The following VIPR2 variants were observed in gnomAD, a reference collection of about 807,000 sequenced individuals.
VIPR2 encodes vasoactive intestinal peptide receptor 2.
VIPR2 carries 48 observed loss-of-function variants against 58.0 expected under a neutral mutation model. The observed-to-expected ratio is 0.83, with a 90% CI of 0.66 to 1.05. The LOEUF (loss-of-function observed/expected upper bound fraction) is 1.05. Among genes scored for constraint, VIPR2 ranks in the 50% least tolerant of loss-of-function variants. The pLI, the probability that VIPR2 is intolerant of heterozygous loss-of-function variation, is 0.00. For missense variants in VIPR2, 534 were observed against 558.0 expected (o/e 0.96, Z 0.43); for synonymous variants, 243 against 235.2 (o/e 1.03, Z -0.30).
chr7:159,067,803 C>T (rs907055373), intron 4 of VIPR2, among the ~76,000 whole-genome samples: 6 of 152,184 alleles, frequency 3.9e-5, no homozygotes, highest in African/African-American at 1.2e-4. Flanking sequence ...AAGATCCTGT[C>T]GAGGCCAAGG....
chr7:159,101,748 G>A (rs1258029264), intron 4 of VIPR2, among the ~76,000 whole-genome samples: 4 of 144,734 alleles, frequency 2.8e-5, no homozygotes, highest in Non-Finnish European at 4.5e-5. Context: ...CACGAGATCC[G>A]ACGAGGCGGT....
intron 2 of VIPR2, among the ~76,000 whole-genome samples, chr7:159,115,554 C>T (rs1056878370): frequency 6.6e-6 from 1 of 152,248 alleles, no homozygotes; most frequent in East Asian, 1.9e-4. Flanking sequence ...ATGGTCAGGG[C>T]TTGGCAGGCA....
intron 2 of VIPR2, among the ~76,000 whole-genome samples, chr7:159,112,911 G>A (rs1053192544): frequency 3.3e-5 from 5 of 151,894 alleles, no homozygotes; most frequent in African/African-American, 1.2e-4. Flanking sequence ...GTGAGGAGGA[G>A]GCTCATGGCG....
At position 159,098,001 on chromosome 7, in the gene VIPR2, C is replaced by T. The variant is rs113682747; in HGVS notation, c.357+5756G>A. Among the ~76,000 whole-genome samples the T allele has an allele frequency of 7.2e-5, 11 of 152,316 alleles. No homozygotes were observed. In the South Asian group the frequency reaches 8.3e-4, roughly 11 times the overall value. On this transcript the variant is annotated intron_variant, in intron 4 of 12. Transcript: ENST00000262178. This position sits in a 1 kb window ranked among gnomAD's most constrained non-coding sequence, Gnocchi z 5.2. ...CACACAGACCCACTGGGCCAGAGCC[C>T]GCACCACGATCAGTCCCAGGAGCTC...
intron 4 of VIPR2, among the ~76,000 whole-genome samples, chr7:159,064,132 C>T (rs1008982015): frequency 7.9e-5 from 12 of 151,820 alleles, no homozygotes; most frequent in Admixed American, 3.9e-4. Context: ...GAAGCCGCGC[C>T]CGGCGTGGGT....
chr7:159,109,806 C>G lies in VIPR2; in HGVS notation c.259+6G>C, dbSNP rs745664214. 4.3e-6 allele frequency: 7 copies of G among 1,613,850 alleles called. No individual in the cohort carries two copies. In the South Asian group the frequency reaches 6.6e-5, roughly 15 times the overall value. On this transcript the variant is annotated splice_donor_region_variant and intron_variant, in intron 3 of 12. Transcript: ENST00000262178. ...GGAGCTCAGGAACTCAACCGACGGA[C>G]AGTACCTGCTTTGCTGTAAAAATTG...
chr7:159,119,074 G>C (rs1796353061), intron 2 of VIPR2, among the ~76,000 whole-genome samples: 1 of 152,184 alleles, frequency 6.6e-6, no homozygotes, highest in African/African-American at 2.4e-5. Flanking sequence ...GTGTACCCAG[G>C]GCTGAGGCCC....
In VIPR2 at chr7:159,096,676, C is replaced by T. The variant is rs1857866896; in HGVS notation, c.357+7081G>A. 6.6e-6 allele frequency among the ~76,000 whole-genome samples: 1 copy of T among 152,222 alleles called. No individual in the cohort carries two copies. The highest frequency in any genetic ancestry group is 2.1e-4 in the South Asian group (1 of 4,822). On this transcript the variant is annotated intron_variant, in intron 4 of 12. Transcript: ENST00000262178. This position sits in a 1 kb window ranked among gnomAD's most constrained non-coding sequence, Gnocchi z 5.5. The stretch of plus-strand genomic sequence containing the variant: ...TGGAAAGTATTAAGCATCACATGCA[C>T]AGGTTAAAACTAAACAGCAGAAAAG...
At chr7:159,087,272 G>A (rs2129495158) in intron 4 of VIPR2, among the ~76,000 whole-genome samples, 1 of 138,984 alleles carries the variant, frequency 7.2e-6, no homozygotes, top group South Asian at 2.6e-4. Flanking sequence ...CACTCTGCCA[G>A]GATTCTGATA....
At chr7:159,041,904 G>A (rs552279055) in intron 6 of VIPR2, among the ~76,000 whole-genome samples, 80 of 152,262 alleles carry the variant, frequency 5.3e-4, no homozygotes, top group African/African-American at 1.9e-3. Context: ...GTTGACCACT[G>A]TTACACATGT....
chr7:159,101,464 A>G (rs1412413047), intron 4 of VIPR2, among the ~76,000 whole-genome samples: 3 of 109,038 alleles, frequency 2.8e-5, no homozygotes, highest in Non-Finnish European at 3.7e-5. Flanking sequence ...GTAGTGAATG[A>G]GTCTCACGAG....
intron 5 of VIPR2, among the ~76,000 whole-genome samples, chr7:159,047,396 A>G (rs949820938): frequency 6.6e-6 from 1 of 152,242 alleles, no homozygotes; most frequent in Non-Finnish European, 1.5e-5. Context: ...AAGAATTCCA[A>G]ATTTATAAAC....
At chr7:159,060,815 C>CT (rs932630607) in intron 4 of VIPR2, among the ~76,000 whole-genome samples, 72 of 152,252 alleles carry the variant, frequency 4.7e-4, no homozygotes, top group African/African-American at 1.7e-3. Flanking sequence ...TAACCACCAC[C>CT]TTCACTTTGT....
In VIPR2 at chr7:159,034,645, C is replaced by T; in HGVS notation, c.815G>A (p.Trp272Ter). 1 of 1,613,690 alleles carries T rather than the reference C, an allele frequency of 6.2e-7. No individual in the cohort carries two copies. The highest frequency in any genetic ancestry group is 1.1e-5 in the South Asian group (1 of 91,056). Reference protein sequence around the residue: ...ARLYLEDTGCWDTNDHSVPWW... With the variant: ...ARLYLEDTGC ...GGGCACACTGTGGTCGTTTGTATCCCAGCAACTGTCAGAGAGAGATGGGAA... is the reference window on the plus strand; with the variant it reads ...GGGCACACTGTGGTCGTTTGTATCCTAGCAACTGTCAGAGAGAGATGGGAA... The change falls in exon 9 of 13, where the codon TGG becomes TAG. Residue 272 changes from tryptophan to a stop codon, truncating the protein, a stop_gained. Transcript: ENST00000262178. LOFTEE classifies it high-confidence loss of function.
At chr7:159,041,420 G>A (rs1854324135) in intron 6 of VIPR2, among the ~76,000 whole-genome samples, 1 of 147,812 alleles carries the variant, frequency 6.8e-6, no homozygotes, top group South Asian at 2.2e-4. Context: ...GGTCTGTCGA[G>A]GGTCCTGAGG....
Position 159,109,369 on chromosome 7 carries a change from G to A in VIPR2, c.259+443C>T, listed in dbSNP as rs532898175. 3.3e-5 allele frequency among the ~76,000 whole-genome samples: 5 copies of A among 152,314 alleles called. No individual in the cohort carries two copies. The East Asian group carries it at 7.8e-4, about 24-fold the overall frequency. Reference sequence around the variant, plus strand: ...GCAGGGAGGTTGGGGGAGTGGGTTCGATAAACTAGGTGTGTCCTGGGGCCT... The same window carrying A: ...GCAGGGAGGTTGGGGGAGTGGGTTCAATAAACTAGGTGTGTCCTGGGGCCT... On this transcript the variant is annotated intron_variant, in intron 3 of 12. Transcript: ENST00000262178.
At chr7:159,101,218 C>G (rs199767289) in intron 4 of VIPR2, among the ~76,000 whole-genome samples, 5,951 of 88,954 alleles carry the variant, frequency 0.067, no homozygotes, top group Non-Finnish European at 0.089. Flanking sequence ...CCGACGAGGC[C>G]GTTCCCCCGA....
intron 4 of VIPR2, among the ~76,000 whole-genome samples, chr7:159,084,539 G>T: frequency 6.6e-6 from 1 of 152,202 alleles, no homozygotes; most frequent in East Asian, 1.9e-4. Flanking sequence ...CCTGCAGAGA[G>T]GGCGCCGGGC....
chr7:159,119,461 A>ACCTG (rs1796370551), intron 2 of VIPR2, among the ~76,000 whole-genome samples: 1 of 152,190 alleles, frequency 6.6e-6, no homozygotes, highest in South Asian at 2.1e-4. Context: ...TTCCCCCTGC[A>ACCTG]CCTGTAGGAG....
Sources: gnomAD v4.1 joint callset for allele counts (sites outside exome capture counted in the v4.1 genomes callset) on GRCh38, gnomAD v4.1.1 for gene constraint, Gnocchi (gnomAD v3.1) non-coding constraint, MANE v1.5 for transcripts, NCBI Gene and HGNC (gene_info 2026-07-23, HGNC 2026-07-21) for gene names.